The following SPECC1 variants were observed in gnomAD, a reference collection of about 807,000 sequenced individuals.
SPECC1 encodes the protein cytospin-B.
In SPECC1, 62 loss-of-function variants were observed where a neutral mutation model predicts 104.1. That is an observed-to-expected ratio of 0.60 (90% CI 0.49 to 0.74). SPECC1 has a LOEUF of 0.74. Among genes scored for constraint, SPECC1 ranks in the 30% least tolerant of loss-of-function variants. The pLI is 0.00. For synonymous variants in SPECC1, 513 were observed against 501.6 expected, an observed-to-expected ratio of 1.02 and a Z score of -0.30; for missense variants, 1,306 against 1,310.5, an observed-to-expected ratio of 1.00 and a Z score of 0.05.
intron 3 of SPECC1, among the ~76,000 whole-genome samples, chr17:20,118,126 T>TA (rs1283481572): frequency 3.3e-5 from 5 of 151,548 alleles, no homozygotes; most frequent in African/African-American, 1.2e-4. Context: ...AATAAATAAA[T>TA]AAATAAATAA....
chr17:20,106,281 T>G (rs1400402709), intron 2 of SPECC1, among the ~76,000 whole-genome samples: 1 of 152,178 alleles, frequency 6.6e-6, no homozygotes, highest in Non-Finnish European at 1.5e-5. Flanking sequence ...GCTGCCAACA[T>G]TATAGACTAT....
intron 3 of SPECC1, among the ~76,000 whole-genome samples, chr17:20,182,422 A>G (rs2034972619): frequency 3.3e-5 from 5 of 152,270 alleles, no homozygotes; most frequent in Admixed American, 1.3e-4. Flanking sequence ...AACCTCTTCA[A>G]TTTATTTTAA....
chr17:20,109,992 C>A lies in SPECC1; in HGVS notation c.148-435C>A, dbSNP rs142336281. Among the ~76,000 whole-genome samples the A allele has an allele frequency of 2.6e-5, 4 of 152,152 alleles. No individual in the cohort carries two copies. The East Asian group carries it at 7.7e-4, about 29-fold the overall frequency. Reference sequence around the variant, plus strand: ...TCTCACCTCAGCCTCCTGGGTGTCACCATGCCCAGCTAATTAAAAAAAAAT... The same window carrying A: ...TCTCACCTCAGCCTCCTGGGTGTCAACATGCCCAGCTAATTAAAAAAAAAT... On this transcript the variant is annotated intron_variant, in intron 2 of 14. Transcript: ENST00000395527.
At chr17:20,313,434 G>A (rs1199362781) in intron 14 of SPECC1, among the ~76,000 whole-genome samples, 1 of 152,236 alleles carries the variant, frequency 6.6e-6, no homozygotes, top group Non-Finnish European at 1.5e-5. Context: ...AGTCTGTGGT[G>A]GTCACGAGGT....
chr17:20,038,055 G>C (rs2045163623), intron 1 of SPECC1, among the ~76,000 whole-genome samples: 1 of 152,160 alleles, frequency 6.6e-6, no homozygotes, highest in East Asian at 1.9e-4. Flanking sequence ...AATGTGTAGA[G>C]TTGTTTCTAA....
At chr17:20,237,789 C>T in intron 7 of SPECC1, 1 of 191,078 alleles carries the variant, frequency 5.2e-6, no homozygotes, top group East Asian at 8.3e-5. Flanking sequence ...GTTGCCCAGG[C>T]TAGAGTGCAG....
chr17:20,288,142 G>A (rs1471285859), intron 12 of SPECC1, among the ~76,000 whole-genome samples: 1 of 152,054 alleles, frequency 6.6e-6, no homozygotes, highest in Non-Finnish European at 1.5e-5. Context: ...TTTTTTTATG[G>A]CTGCATAGTA....
At chr17:20,313,185 A>T (rs2041976013) in intron 14 of SPECC1, among the ~76,000 whole-genome samples, 1 of 152,242 alleles carries the variant, frequency 6.6e-6, no homozygotes, top group African/African-American at 2.4e-5. Context: ...AACAAAAATA[A>T]ATCAGTCAGT....
chr17:20,048,220 G>C (rs536698444), intron 1 of SPECC1, among the ~76,000 whole-genome samples: 1 of 148,980 alleles, frequency 6.7e-6, no homozygotes. Flanking sequence ...TGCAAGCTCC[G>C]CTTCCTGGGT....
chr17:20,121,641 C>A (rs1039960297), intron 3 of SPECC1, among the ~76,000 whole-genome samples: 2 of 152,136 alleles, frequency 1.3e-5, no homozygotes, highest in African/African-American at 2.4e-5. Context: ...GATTCCAGTT[C>A]TTATTATTCT....
At chr17:20,116,069 ACTTT>A (rs944197567) in intron 3 of SPECC1, among the ~76,000 whole-genome samples, 18 of 151,422 alleles carry the variant, frequency 1.2e-4, no homozygotes, top group African/African-American at 4.4e-4. Flanking sequence ...TATATCAATA[ACTTT>A]CTTTTTTATT....
intron 7 of SPECC1, among the ~76,000 whole-genome samples, chr17:20,245,168 T>C (rs2039367814): frequency 6.6e-6 from 1 of 152,152 alleles, no homozygotes; most frequent in Non-Finnish European, 1.5e-5. Context: ...CAGAAAGGTG[T>C]TAAATGGTTT....
chr17:20,135,695 T>C (rs1164714589), intron 3 of SPECC1, among the ~76,000 whole-genome samples: 2 of 152,300 alleles, frequency 1.3e-5, no homozygotes, highest in Non-Finnish European at 1.5e-5. Context: ...CAAGTGATCC[T>C]CCTGCCTTGA....
intron 1 of SPECC1, among the ~76,000 whole-genome samples, chr17:20,031,468 C>T (rs1221406739): frequency 3.3e-5 from 5 of 152,048 alleles, no homozygotes; most frequent in African/African-American, 7.2e-5. Flanking sequence ...TACAGGTGCC[C>T]GCCACCACAC....
intron 3 of SPECC1, among the ~76,000 whole-genome samples, chr17:20,134,085 T>G (rs1297710482): frequency 6.6e-6 from 1 of 150,698 alleles, no homozygotes; most frequent in Non-Finnish European, 1.5e-5. Context: ...TATAAACATA[T>G]TACAAACATG....
chr17:20,163,512 G>A (rs935752783), intron 3 of SPECC1, among the ~76,000 whole-genome samples: 10 of 151,268 alleles, frequency 6.6e-5, no homozygotes, highest in African/African-American at 2.4e-4. Flanking sequence ...AATAAACTTA[G>A]TGATTCTTAA....
At chr17:20,139,509 C>T (rs890766863) in intron 3 of SPECC1, among the ~76,000 whole-genome samples, 5 of 152,124 alleles carry the variant, frequency 3.3e-5, no homozygotes, top group African/African-American at 4.8e-5. Context: ...CCATCATCCT[C>T]GTTTCATTAT....
intron 6 of SPECC1, 109 bp downstream of exon 6, chr17:20,231,940 G>A (rs2038607956): frequency 1.7e-6 from 2 of 1,181,156 alleles, no homozygotes; most frequent in Admixed American, 3.8e-5. Flanking sequence ...CCACGGCATG[G>A]TGGGCCCTGG....
chr17:20,079,160 G>A (rs4925078), intron 1 of SPECC1, among the ~76,000 whole-genome samples: 43,964 of 152,034 alleles, frequency 0.29, 6,880 homozygotes, highest in Middle Eastern at 0.43. Context: ...GATGGGCGCC[G>A]ACCTCTTCCA....
Sources: allele counts gnomAD v4.1 joint callset (sites outside exome capture counted in the v4.1 genomes callset), GRCh38; gene constraint gnomAD v4.1.1; transcripts MANE v1.5; gene names NCBI Gene and HGNC (gene_info 2026-07-23, HGNC 2026-07-21).